SLC44A2: variants seen among roughly 807,000 people sequenced by gnomAD.
The protein encoded by SLC44A2 is solute carrier family 44 member 2 (CTL2 blood group), also known as choline transporter-like protein 2.
In SLC44A2, 57 loss-of-function variants were observed where a neutral mutation model predicts 90.8. The ratio of observed to expected loss-of-function variants is 0.63; its 90% CI spans 0.51 to 0.78. The LOEUF is 0.78. SLC44A2 is among the 30% of genes least tolerant of loss of function. The pLI is 0.00. For missense variants in SLC44A2, 794 were observed against 919.7 expected, an observed-to-expected ratio of 0.86 and a Z score of 1.77; for synonymous variants, 355 against 360.7, an observed-to-expected ratio of 0.98 and a Z score of 0.18.
rs767103049 is a variant in SLC44A2, at chr19:10,643,393, G to A, written c.*8G>A. On this transcript the variant is annotated 3_prime_UTR_variant, in exon 22 of 22. Coordinates refer to ENST00000335757, the MANE Select transcript of SLC44A2 (RefSeq NM_020428.4). ...AAGGCAGCGGAGTCCTGAAGGCCCC[G>A]TGCTCCCCACCTCTCAAGGAGTCTC... is the stretch of plus-strand genomic sequence containing the variant. 14 of 1,604,860 alleles carry A rather than the reference G, an allele frequency of 8.7e-6. No individual in the cohort carries two copies. The highest frequency in any genetic ancestry group is 5.3e-5 in the African/African-American group (4 of 74,824).
At chr19:10,606,635 A>C (rs896738418) in intron 1 of SLC44A2, among the ~76,000 whole-genome samples, 7 of 151,972 alleles carry the variant, frequency 4.6e-5, no homozygotes, top group Admixed American at 1.3e-4. Flanking sequence ...ATATCGTGAA[A>C]CCCTGTCTCT....
chr19:10,606,114 A>G (rs1362255101), intron 1 of SLC44A2, among the ~76,000 whole-genome samples: 6 of 151,994 alleles, frequency 3.9e-5, no homozygotes, highest in Non-Finnish European at 7.4e-5. Flanking sequence ...CCTGGGCAAT[A>G]TAGTGAGACC....
In SLC44A2 at chr19:10,643,317, C is replaced by CCTTA; in HGVS notation, c.2057_2060dup (p.Phe687LeufsTer143). ...GAGGAATGACGGCTCGGCCGAGAGG[C>CCTTA]CTTACTTCATGTCTTCCACCCTCAA... On this transcript the variant is annotated frameshift_variant, in exon 22 of 22. Transcript: ENST00000335757. LOFTEE classifies it high-confidence loss of function. 1.2e-6 allele frequency: 2 copies of CCTTA among 1,611,190 alleles called. No individual in the cohort carries two copies. Among genetic ancestry groups the CCTTA allele is most frequent in the Non-Finnish European group, 1.7e-6 (2 of 1,178,660 alleles).
chr19:10,641,172 C>A (rs561871710), intron 20 of SLC44A2: 9 of 359,942 alleles, frequency 2.5e-5, no homozygotes, highest in Admixed American at 1.1e-4. Flanking sequence ...GCAGGCAGAT[C>A]GCTTGAGCTC....
chr19:10,625,532 G>T, upstream of SLC44A2: 3 of 1,228,094 alleles, frequency 2.4e-6, no homozygotes, highest in Non-Finnish European at 3.0e-6. Flanking sequence ...GCTGGGAGGA[G>T]CCGCCGCCAG....
chr19:10,637,602 C>T (rs778874268), intron 16 of SLC44A2, 42 bp from the exon 17 acceptor site: 1 of 1,550,510 alleles, frequency 6.4e-7, no homozygotes, highest in Non-Finnish European at 8.9e-7. Flanking sequence ...CCAAGTCAGG[C>T]TGGTGTCCCC....
chr19:10,640,325 A>G (rs2067102452), intron 20 of SLC44A2, among the ~76,000 whole-genome samples: 2 of 152,138 alleles, frequency 1.3e-5, no homozygotes, highest in South Asian at 4.1e-4. Flanking sequence ...TCCTGACCTC[A>G]GGTGATCCAC....
intron 1 of SLC44A2, among the ~76,000 whole-genome samples, chr19:10,615,375 A>C (rs1327384980): frequency 6.6e-6 from 1 of 152,064 alleles, no homozygotes; most frequent in Non-Finnish European, 1.5e-5. Flanking sequence ...GGAGTTTGAG[A>C]CCAGCCTGGC....
rs1423424047 is a variant in SLC44A2 at position 10,632,112 on chromosome 19, T to C, written c.779T>C (p.Met260Thr). ...IILLRFLAGIMVWVMIIMVIL... is the reference protein window; with the variant it reads ...IILLRFLAGITVWVMIIMVIL... The stretch of plus-strand genomic sequence containing the variant: ...CTGCTTCGCTTCCTGGCTGGTATTA[T>C]GGTCTGGGTGATGATCATCATGGTG... Residue 260 changes from methionine (M) to threonine (T), a missense_variant, in exon 10 of 22, where the codon ATG becomes ACG. Met to Thr is a moderately conservative substitution (Grantham distance 81). Transcript: ENST00000335757. 4 of 1,614,130 alleles carry C rather than the reference T, an allele frequency of 2.5e-6. No individual in the cohort carries two copies. Among genetic ancestry groups the C allele is most frequent in the Non-Finnish European group, 8.5e-7 (1 of 1,180,006 alleles).
chr19:10,636,343 G>C lies in SLC44A2; in HGVS notation c.1254G>C (p.Glu418Asp). The change falls in exon 15 of 22, where the codon GAG (glutamate) becomes GAC (aspartate). Residue 418 changes from glutamate to aspartate, a missense_variant. Physicochemically the swap from Glu to Asp is conservative, Grantham distance 45. This residue lies in a region of SLC44A2 where 738 missense variants were observed against 841.1 expected (regional missense o/e 0.88). Coordinates refer to ENST00000335757, the MANE Select transcript of SLC44A2 (RefSeq NM_020428.4). Reference protein sequence around the residue: ...CNPETFPSSNESRQCPNARCQ... With the variant: ...CNPETFPSSNDSRQCPNARCQ... The stretch of plus-strand genomic sequence containing the variant: ...CACAGACCTTCCCCTCCTCCAATGA[G>C]TCCCGCCAATGCCCCAATGCCCGTT... 6.2e-7 allele frequency: 1 copy of C among 1,613,124 alleles called. No individual in the cohort carries two copies. Among genetic ancestry groups the C allele is most frequent in the Non-Finnish European group, 8.5e-7 (1 of 1,179,654 alleles).
At chr19:10,637,781 A>G (rs369756040) in intron 17 of SLC44A2, 34 bp downstream of exon 17, 20 of 1,613,308 alleles carry the variant, frequency 1.2e-5, no homozygotes, top group Non-Finnish European at 1.7e-5. Flanking sequence ...CCAACCCGCC[A>G]GCTCCTGCTG....
Position 10,643,384 on chromosome 19 carries a change from G to T in SLC44A2, c.2120G>T (p.Ter707LeuextTer18), listed in dbSNP as rs1488613842. ...NKTNKKAAES[*>L] is the part of the protein sequence containing the mutation. ...ACCAACAAGAAGGCAGCGGAGTCCT[G>T]AAGGCCCCGTGCTCCCCACCTCTCA... The change falls in exon 22 of 22, where the codon TGA becomes TTA. Residue 707 changes from the stop codon to leucine (L), a stop_lost. Transcript: ENST00000335757. 1 of 1,609,016 alleles carries T rather than the reference G, an allele frequency of 6.2e-7. No homozygotes were observed. Among genetic ancestry groups the T allele is most frequent in the South Asian group, 1.1e-5 (1 of 90,138 alleles).
At chr19:10,633,926 T>C (rs112891644) in intron 10 of SLC44A2, among the ~76,000 whole-genome samples, 2,364 of 150,880 alleles carry the variant, frequency 0.016, 59 homozygotes, top group African/African-American at 0.053. Context: ...TCACCTGAGG[T>C]TGGGAGTTCG....
intron 20 of SLC44A2, among the ~76,000 whole-genome samples, chr19:10,639,332 C>T (rs913589487): frequency 3.9e-5 from 6 of 152,200 alleles, no homozygotes; most frequent in Non-Finnish European, 7.3e-5. Context: ...ACAGATACTC[C>T]TCCATAATGA....
In SLC44A2 at chr19:10,635,049, T is replaced by G; in HGVS notation, c.1031T>G (p.Ile344Ser). The G allele has an allele frequency of 6.2e-7, 1 of 1,614,114 alleles. No individual in the cohort carries two copies. The highest frequency in any genetic ancestry group is 8.5e-7 in the Non-Finnish European group (1 of 1,180,006). The change falls in exon 12 of 22, where the codon ATT becomes AGT. Residue 344 changes from isoleucine (I) to serine (S), a missense_variant. This residue lies in a region of SLC44A2 where 738 missense variants were observed against 841.1 expected (regional missense o/e 0.88). Coordinates refer to ENST00000335757, the MANE Select transcript of SLC44A2 (RefSeq NM_020428.4). ...IFLRKRILIAIALIKEASRAV... is the reference protein window; with the variant it reads ...IFLRKRILIASALIKEASRAV... ...CTCCGGAAGAGAATTCTCATCGCGA[T>G]TGCACTCATCAAAGAAGCCAGCAGG...
intron 21 of SLC44A2, chr19:10,642,989 G>A: frequency 2.5e-6 from 4 of 1,579,380 alleles, no homozygotes; most frequent in Non-Finnish European, 3.4e-6. Flanking sequence ...GAGTGCGGAG[G>A]AGGGGAAGCG....
Position 10,625,690 on chromosome 19 carries a change from C to G in SLC44A2, c.37+20C>G. On this transcript the variant is annotated intron_variant, in intron 1 of 21. Coordinates refer to ENST00000335757, the MANE Select transcript of SLC44A2 (RefSeq NM_020428.4). ...AACACGGTAGGCAGCGACCCCCGCC[C>G]GTAGCCCCGGGCCGACCCCTCGGTC... 3.2e-6 allele frequency: 4 copies of G among 1,248,738 alleles called. No homozygotes were observed. The highest frequency in any genetic ancestry group is 3.0e-6 in the Non-Finnish European group (3 of 990,812). 77.4% of individuals were successfully genotyped at this position (1,248,738 alleles called of 1,614,324 possible).
chr19:10,637,493 C>T, intron 16 of SLC44A2, 151 bp from the exon 17 acceptor site: 1 of 669,858 alleles, frequency 1.5e-6, no homozygotes, highest in Non-Finnish European at 2.6e-6. Context: ...CTCACTGCAG[C>T]CTCAAACTCC....
At chr19:10,617,262 G>A (rs770795400) in intron 1 of SLC44A2, among the ~76,000 whole-genome samples, 4 of 152,068 alleles carry the variant, frequency 2.6e-5, no homozygotes, top group Non-Finnish European at 5.9e-5. Context: ...CAAAGATATA[G>A]CGAGTTCCCA....
Sources: gnomAD v4.1 joint callset for allele counts (sites outside exome capture counted in the v4.1 genomes callset) on GRCh38, gnomAD v4.1.1 for gene constraint, gnomAD v4.1.1 regional missense constraint, MANE v1.5 for transcripts, NCBI Gene and HGNC (gene_info 2026-07-23, HGNC 2026-07-21) for gene names.